Variants in MFSD2A observed in about 807,000 individuals in gnomAD.
The protein encoded by MFSD2A is sodium-dependent lysophosphatidylcholine symporter 1.
In MFSD2A, 27 loss-of-function variants were observed where a neutral mutation model predicts 64.7. The ratio of observed to expected loss-of-function variants is 0.42; its 90% confidence interval spans 0.31 to 0.58. The LOEUF is 0.58. Ranked by LOEUF, MFSD2A falls within the 20% of genes least tolerant of loss-of-function variation. The probability of loss-of-function intolerance (pLI) is 0.18; values close to 1 mark genes in which losing one functional copy is unlikely to be tolerated. For synonymous variants in MFSD2A, 258 were observed against 273.4 expected (o/e 0.94, Z 0.55); for missense variants, 474 against 679.5 (o/e 0.70, Z 3.36).
Position 39,965,441 on chromosome 1 carries a change from G to C in MFSD2A, c.478-30G>C. ...GCTACATCAGTGTGTCCACCCGCCT[G>C]ACCAGCCAATGACCTGTCTTCTATG... is the stretch of plus-strand genomic sequence containing the variant. On this transcript the variant is annotated intron_variant, in intron 4 of 13. Transcript: ENST00000372811. This position sits in a 1 kb window ranked among gnomAD's most constrained non-coding sequence, Gnocchi z 5.5. 6.2e-7 allele frequency: 1 copy of C among 1,613,800 alleles called. No individual in the cohort carries two copies. The highest frequency in any genetic ancestry group is 8.5e-7 in the Non-Finnish European group (1 of 1,179,866).
intron 13 of MFSD2A, 111 bp from the exon 14 acceptor site, chr1:39,969,394 T>C: frequency 1.2e-6 from 1 of 866,662 alleles, no homozygotes. Flanking sequence ...TGTCCCGCGG[T>C]TCACTTTAGT....
In MFSD2A at chr1:39,966,638, G is replaced by T. The variant is rs764243793; in HGVS notation, c.752G>T (p.Cys251Phe). 6.2e-7 allele frequency: 1 copy of T among 1,614,014 alleles called. No homozygotes were observed. Residue 251 changes from cysteine (C) to phenylalanine (F), a missense_variant, in exon 7 of 14, where the codon TGT becomes TTT. Physicochemically the swap from Cys to Phe is radical, Grantham distance 205. Transcript: ENST00000372811. ...CTGCTGGCAGCGGGGGTCATTGTCTGTATCTATATAATCTGTGCTGTCATC... is the reference window on the plus strand; with the variant it reads ...CTGCTGGCAGCGGGGGTCATTGTCTTTATCTATATAATCTGTGCTGTCATC... ...AYLLAAGVIV[C>F]IYIICAVILI... is the part of the protein sequence containing the mutation.
chr1:39,966,470 C>T, intron 6 of MFSD2A, 131 bp from the exon 7 acceptor site: 1 of 736,124 alleles, frequency 1.4e-6, no homozygotes, highest in Non-Finnish European at 2.3e-6. Flanking sequence ...CCTCCCATTT[C>T]ACACATGGAG....
chr1:39,965,437 G>C lies in MFSD2A; in HGVS notation c.478-34G>C, dbSNP rs201809296. On this transcript the variant is annotated intron_variant, in intron 4 of 13. Coordinates refer to ENST00000372811, the MANE Select transcript of MFSD2A (RefSeq NM_032793.5). This position sits in a 1 kb window ranked among gnomAD's most constrained non-coding sequence, Gnocchi z 5.5. Reference sequence around the variant, plus strand: ...GGAAGCTACATCAGTGTGTCCACCCGCCTGACCAGCCAATGACCTGTCTTC... The same window carrying C: ...GGAAGCTACATCAGTGTGTCCACCCCCCTGACCAGCCAATGACCTGTCTTC... 3 of 1,613,576 alleles carry C rather than the reference G, an allele frequency of 1.9e-6. No homozygotes were observed. The highest frequency in any genetic ancestry group is 3.3e-5 in the Admixed American group (2 of 59,992).
chr1:39,959,370 C>T (rs1644988735), intron 3 of MFSD2A, among the ~76,000 whole-genome samples: 1 of 151,922 alleles, frequency 6.6e-6, no homozygotes, highest in African/African-American at 2.4e-5. Flanking sequence ...ACCTCAGCCT[C>T]TCGAGTAGCT....
Position 39,965,632 on chromosome 1 carries a change from C to G in MFSD2A, c.556+83C>G. The G allele has an allele frequency of 1.4e-6, 2 of 1,441,950 alleles. No individual in the cohort carries two copies. Among genetic ancestry groups the G allele is most frequent in the Admixed American group, 1.7e-5 (1 of 59,294 alleles). The allele number at this position is 1,441,950 out of a possible 1,614,324, so 89.3% of individuals were successfully genotyped here. ...TCCCTTGCGGGTCCAGCTCTTTGCT[C>G]TGCTCTAGAGTGTGGGTGTGAAACC... On this transcript the variant is annotated intron_variant, in intron 5 of 13. Coordinates refer to ENST00000372811, the MANE Select transcript of MFSD2A (RefSeq NM_032793.5). The surrounding 1 kb of genome is among the most constrained non-coding windows in gnomAD (Gnocchi z 5.5).
chr1:39,955,687 G>A lies in MFSD2A; in HGVS notation c.93+302G>A. Reference sequence around the variant, plus strand: ...CATTCTTCCGTGTTGAGCGGCTGGGGCTTGCCGCCCCAAACCCCAGAGATG... The same window carrying A: ...CATTCTTCCGTGTTGAGCGGCTGGGACTTGCCGCCCCAAACCCCAGAGATG... On this transcript the variant is annotated intron_variant, in intron 1 of 13. Coordinates refer to ENST00000372811, the MANE Select transcript of MFSD2A (RefSeq NM_032793.5). This position sits in a 1 kb window ranked among gnomAD's most constrained non-coding sequence, Gnocchi z 5.9. 1 of 614,598 alleles carries A rather than the reference G, an allele frequency of 1.6e-6. No individual in the cohort carries two copies. Among genetic ancestry groups the A allele is most frequent in the Non-Finnish European group, 3.0e-6 (1 of 328,874 alleles). The allele number at this position is 614,598 out of a possible 1,614,324, so 38.1% of individuals were successfully genotyped here. A position where few individuals can be genotyped will look rare whatever the true frequency, so the allele number is the denominator to read the frequency against.
At position 39,968,098 on chromosome 1, in the gene MFSD2A, C is replaced by T. The variant is rs1346605233; in HGVS notation, c.1208+182C>T. The stretch of plus-strand genomic sequence containing the variant: ...AGTGAGCTTTGCAAGAACACCTAGT[C>T]AGAGTGAAAAATGGGGGCTGTAATC... On this transcript the variant is annotated intron_variant, in intron 11 of 13. Coordinates refer to ENST00000372811, the MANE Select transcript of MFSD2A (RefSeq NM_032793.5). The surrounding 1 kb of genome is among the most constrained non-coding windows in gnomAD (Gnocchi z 4.4). 12 of 646,314 alleles carry T rather than the reference C, an allele frequency of 1.9e-5. No individual in the cohort carries two copies. The highest frequency in any genetic ancestry group is 1.8e-5 in the African/African-American group (1 of 54,672). 40.0% of individuals were successfully genotyped at this position (646,314 alleles called of 1,614,324 possible).
chr1:39,965,100 G>A lies in MFSD2A; in HGVS notation c.354-111G>A. 3.5e-6 allele frequency: 5 copies of A among 1,445,956 alleles called. No individual in the cohort carries two copies. Among genetic ancestry groups the A allele is most frequent in the Non-Finnish European group, 9.4e-7 (1 of 1,062,910 alleles). The allele number at this position is 1,445,956 out of a possible 1,614,324, so 89.6% of individuals were successfully genotyped here. ...TTTGGCAGGAGTATGGGGAAGGAAGGAAGAGCTTAGCTTCCTTCCCTGTGG... is the reference window on the plus strand; with the variant it reads ...TTTGGCAGGAGTATGGGGAAGGAAGAAAGAGCTTAGCTTCCTTCCCTGTGG... On this transcript the variant is annotated intron_variant, in intron 3 of 13. Transcript: ENST00000372811. The surrounding 1 kb of genome is among the most constrained non-coding windows in gnomAD (Gnocchi z 5.5).
At position 39,960,963 on chromosome 1, in the gene MFSD2A, T is replaced by C. The variant is rs1401742393; in HGVS notation, c.353+2138T>C. 6.6e-6 allele frequency among the ~76,000 whole-genome samples: 1 copy of C among 152,192 alleles called. No individual in the cohort carries two copies. Among genetic ancestry groups the C allele is most frequent in the East Asian group, 1.9e-4 (1 of 5,184 alleles). ...CGTGGGCTGAAGGCTGGTGTGCATATGACCTCCCTGTCCAAACTTTTTTTC... is the reference window on the plus strand; with the variant it reads ...CGTGGGCTGAAGGCTGGTGTGCATACGACCTCCCTGTCCAAACTTTTTTTC... On this transcript the variant is annotated intron_variant, in intron 3 of 13. Coordinates refer to ENST00000372811, the MANE Select transcript of MFSD2A (RefSeq NM_032793.5). The surrounding 1 kb of genome is among the most constrained non-coding windows in gnomAD (Gnocchi z 4.8).
chr1:39,967,663 G>C lies in MFSD2A; in HGVS notation c.1047G>C (p.Trp349Cys). ...CTTTAACCATTCCCATCTGGCAGTGGTTCTTGACCCGGTTTGGCAAGAAGA... is the reference window on the plus strand; with the variant it reads ...CTTTAACCATTCCCATCTGGCAGTGCTTCTTGACCCGGTTTGGCAAGAAGA... Reference protein sequence around the residue: ...SATLTIPIWQWFLTRFGKKTA... With the variant: ...SATLTIPIWQCFLTRFGKKTA... The change falls in exon 10 of 14, where the codon TGG becomes TGC. Residue 349 changes from tryptophan (W) to cysteine (C), a missense_variant. Coordinates refer to ENST00000372811, the MANE Select transcript of MFSD2A (RefSeq NM_032793.5). 1 of 1,614,154 alleles carries C rather than the reference G, an allele frequency of 6.2e-7. No individual in the cohort carries two copies. The highest frequency in any genetic ancestry group is 1.6e-4 in the Middle Eastern group (1 of 6,062).
At chr1:39,962,519 A>G (rs983171633) in intron 3 of MFSD2A, among the ~76,000 whole-genome samples, 5 of 152,250 alleles carry the variant, frequency 3.3e-5, no homozygotes, top group African/African-American at 1.2e-4. Context: ...AAAAATGTTT[A>G]CGAGCTTCTT....
At position 39,958,641 on chromosome 1, in the gene MFSD2A, A is replaced by T. The variant is rs765503555; in HGVS notation, c.229-60A>T. The T allele has an allele frequency of 1.2e-6, 2 of 1,614,048 alleles. No individual in the cohort carries two copies. Among genetic ancestry groups the T allele is most frequent in the South Asian group, 2.2e-5 (2 of 91,082 alleles). ...GAGGGAGCCTCTGCTTCTGCCTACC[A>T]GTGAGAGTTGAGGCGAGTAGAAGGA... On this transcript the variant is annotated intron_variant, in intron 2 of 13. Transcript: ENST00000372811. The surrounding 1 kb of genome is among the most constrained non-coding windows in gnomAD (Gnocchi z 4.7).
intron 1 of MFSD2A, among the ~76,000 whole-genome samples, chr1:39,956,433 C>T (rs947372946): frequency 2.6e-5 from 4 of 152,178 alleles, no homozygotes; most frequent in Admixed American, 2.6e-4. Flanking sequence ...GGGCTGGGCT[C>T]AGGCAGCTCT....
chr1:39,964,985 A>G lies in MFSD2A; in HGVS notation c.354-226A>G, dbSNP rs1470595193. ...GACTCAGGCTCTGACCTCACACTCC[A>G]TGCCTAGGATTTCAGTCTGGGGTCC... On this transcript the variant is annotated intron_variant, in intron 3 of 13. Coordinates refer to ENST00000372811, the MANE Select transcript of MFSD2A (RefSeq NM_032793.5). This position sits in a 1 kb window ranked among gnomAD's most constrained non-coding sequence, Gnocchi z 4.1. The G allele has an allele frequency of 8.4e-6, 5 of 594,272 alleles. No homozygotes were observed. Among genetic ancestry groups the G allele is most frequent in the Non-Finnish European group, 1.5e-5 (5 of 336,796 alleles). 36.8% of individuals were successfully genotyped at this position (594,272 alleles called of 1,614,324 possible). A position where few individuals can be genotyped will look rare whatever the true frequency, so the allele number is the denominator to read the frequency against.
At chr1:39,962,750 C>A in intron 3 of MFSD2A, 1 of 907,584 alleles carries the variant, frequency 1.1e-6, no homozygotes, top group Non-Finnish European at 1.8e-6. Flanking sequence ...AGCTGGGCCG[C>A]TTGGTGAAGG....
rs1445997379 is a variant in MFSD2A at position 39,963,880 on chromosome 1, G to C, written c.354-1331G>C. 6.6e-6 allele frequency among the ~76,000 whole-genome samples: 1 copy of C among 152,158 alleles called. No homozygotes were observed. The highest frequency in any genetic ancestry group is 1.5e-5 in the Non-Finnish European group (1 of 68,036). ...CTCCCGAGGAGCTGGGACTACAGGTGTGCGCCACCATGCCTGGTTAATTTT... is the reference window on the plus strand; with the variant it reads ...CTCCCGAGGAGCTGGGACTACAGGTCTGCGCCACCATGCCTGGTTAATTTT... On this transcript the variant is annotated intron_variant, in intron 3 of 13. Transcript: ENST00000372811. The surrounding 1 kb of genome is among the most constrained non-coding windows in gnomAD (Gnocchi z 4.2).
Position 39,955,159 on chromosome 1 carries a change from G to A in MFSD2A, c.-134G>A. 4.8e-6 allele frequency: 3 copies of A among 619,544 alleles called. No homozygotes were observed. Among genetic ancestry groups the A allele is most frequent in the Non-Finnish European group, 7.2e-6 (3 of 416,870 alleles). The allele number at this position is 619,544 out of a possible 1,614,324, so 38.4% of individuals were successfully genotyped here. On this transcript the variant is annotated 5_prime_UTR_variant, in exon 1 of 14. Coordinates refer to ENST00000372811, the MANE Select transcript of MFSD2A (RefSeq NM_032793.5). This position sits in a 1 kb window ranked among gnomAD's most constrained non-coding sequence, Gnocchi z 5.9. ...GGGCGTGCAGCAGAGTGCGTTCCTC[G>A]TCTGCCAGCCGGCTTGGCTAGCGCG... is the stretch of plus-strand genomic sequence containing the variant.
rs1445041219 is a variant in MFSD2A at position 39,968,401 on chromosome 1, ATCT to A, written c.1283_1285del (p.Phe428del). The A allele has an allele frequency of 2.5e-6, 4 of 1,613,672 alleles. No individual in the cohort carries two copies. The highest frequency in any genetic ancestry group is 2.5e-6 in the Non-Finnish European group (3 of 1,179,746). ...GCCCCACTTCCATGGAACCGAGCCC[ATCT>A]TCTTCTCCTTCTATGTCTTCTTCAC... On this transcript the variant is annotated inframe_deletion, in exon 12 of 14. Coordinates refer to ENST00000372811, the MANE Select transcript of MFSD2A (RefSeq NM_032793.5). This position sits in a 1 kb window ranked among gnomAD's most constrained non-coding sequence, Gnocchi z 4.4.
Sources: allele counts gnomAD v4.1 joint callset (sites outside exome capture counted in the v4.1 genomes callset), GRCh38; gene constraint gnomAD v4.1.1; non-coding constraint Gnocchi (gnomAD v3.1); transcripts MANE v1.5; gene names NCBI Gene and HGNC (gene_info 2026-07-23, HGNC 2026-07-21).